The following BCL3 variants were observed in gnomAD, a reference collection of about 807,000 sequenced individuals.
BCL3 encodes B-cell lymphoma 3 protein.
In BCL3, 15 loss-of-function variants were observed where a neutral mutation model predicts 35.7. The observed-to-expected ratio is 0.42, with a 90% CI of 0.28 to 0.65. BCL3 has a LOEUF of 0.65. Among genes scored for constraint, BCL3 ranks in the 30% least tolerant of loss-of-function variants. The probability of loss-of-function intolerance (pLI) is 0.22; values close to 1 mark genes in which losing one functional copy is unlikely to be tolerated. For synonymous variants in BCL3, 311 were observed against 284.3 expected (o/e 1.09, Z -0.95); for missense variants, 565 against 641.7 (o/e 0.88, Z 1.29).
At position 44,758,232 on chromosome 19, in the gene BCL3, C is replaced by T. The variant is rs1427359014; in HGVS notation, c.892-14C>T. The T allele has an allele frequency of 2.0e-6, 3 of 1,474,040 alleles. No individual in the cohort carries two copies. The highest frequency in any genetic ancestry group is 2.8e-5 in the South Asian group (2 of 72,134). The allele number at this position is 1,474,040 out of a possible 1,614,324, so 91.3% of individuals were successfully genotyped here. ...GCCCGCGCGCCCTCCTGACCCGGCC[C>T]TCCCGTCCCGCAGCACGGCGCCAAC... On this transcript the variant is annotated splice_polypyrimidine_tract_variant and intron_variant, in intron 6 of 8. Coordinates refer to ENST00000164227, the MANE Select transcript of BCL3 (RefSeq NM_005178.5).
intron 1 of BCL3, among the ~76,000 whole-genome samples, chr19:44,749,488 C>G (rs1967136883): frequency 6.6e-6 from 1 of 152,134 alleles, no homozygotes; most frequent in East Asian, 1.9e-4. Context: ...GTCAGGGTAA[C>G]AGAGACTGGG....
rs1240353078 is a variant in BCL3 at position 44,748,732 on chromosome 19, A to C, written c.-59A>C. ...CAGGGGAAGTCCCGGCGCCCGGCGA[A>C]ACCACCCTCCCGTGCAGCCGAGCCC... On this transcript the variant is annotated 5_prime_UTR_variant, in exon 1 of 9. Transcript: ENST00000164227. 9 of 1,070,480 alleles carry C rather than the reference A, an allele frequency of 8.4e-6. No individual in the cohort carries two copies. In the East Asian group the frequency reaches 4.1e-4, roughly 49 times the overall value. The allele number at this position is 1,070,480 out of a possible 1,614,324, so 66.3% of individuals were successfully genotyped here.
Position 44,748,894 on chromosome 19 carries a change from G to T in BCL3, c.104G>T (p.Arg35Leu). 1 of 1,130,334 alleles carries T rather than the reference G, an allele frequency of 8.8e-7. No homozygotes were observed. Among genetic ancestry groups the T allele is most frequent in the Non-Finnish European group, 1.1e-6 (1 of 925,334 alleles). The allele number at this position is 1,130,334 out of a possible 1,614,324, so 70.0% of individuals were successfully genotyped here. ...GGCGCCGCGCTGCCGCTCCGCAAGC[G>T]CCCGCTGCGCGCGCCCTCCCCGGAG... ...LPGAALPLRK[R>L]PLRAPSPEPA... Residue 35 changes from arginine (R) to leucine (L), a missense_variant, in exon 1 of 9, where the codon CGC (arginine) becomes CTC (leucine). Transcript: ENST00000164227.
In BCL3 at chr19:44,757,311, C is replaced by G; in HGVS notation, c.725-16C>G. 6.3e-7 allele frequency: 1 copy of G among 1,591,014 alleles called. No homozygotes were observed. Among genetic ancestry groups the G allele is most frequent in the Non-Finnish European group, 8.6e-7 (1 of 1,168,860 alleles). On this transcript the variant is annotated splice_polypyrimidine_tract_variant and intron_variant, in intron 4 of 8. Coordinates refer to ENST00000164227, the MANE Select transcript of BCL3 (RefSeq NM_005178.5). The surrounding 1 kb of genome is among the most constrained non-coding windows in gnomAD (Gnocchi z 8.4). The stretch of plus-strand genomic sequence containing the variant: ...AAGCCCGGGCCTAGGTTTCACCGAG[C>G]CCTCCTCTCCCTCAGGGCTCACCGC...
chr19:44,752,210 T>C (rs916115209), intron 2 of BCL3, among the ~76,000 whole-genome samples: 2 of 151,478 alleles, frequency 1.3e-5, no homozygotes, highest in African/African-American at 2.4e-5. Context: ...TTTTCTTTTT[T>C]TTTTTTCTGA....
At chr19:44,750,406 C>T (rs1306050480) in intron 1 of BCL3, among the ~76,000 whole-genome samples, 1 of 152,154 alleles carries the variant, frequency 6.6e-6, no homozygotes, top group Non-Finnish European at 1.5e-5. Flanking sequence ...TCAGGGGATT[C>T]TTGTGCCTCA....
At position 44,749,003 on chromosome 19, in the gene BCL3, G is replaced by GCC. The variant is rs770262318; in HGVS notation, c.219_220dup (p.His74ProfsTer32). On this transcript the variant is annotated frameshift_variant, in exon 1 of 9. Coordinates refer to ENST00000164227, the MANE Select transcript of BCL3 (RefSeq NM_005178.5). LOFTEE classifies it high-confidence loss of function. ...GCTGCGACCTGCCGGCGGTCCCCGG[G>GCC]CCCCCCCACGGCCTGGCCCGGCCGG... is the stretch of plus-strand genomic sequence containing the variant. The GCC allele has an allele frequency of 7.2e-7, 1 of 1,384,690 alleles. No individual in the cohort carries two copies. The allele number at this position is 1,384,690 out of a possible 1,614,324, so 85.8% of individuals were successfully genotyped here. A position where few individuals can be genotyped will look rare whatever the true frequency, so the allele number is the denominator to read the frequency against.
intron 1 of BCL3, among the ~76,000 whole-genome samples, chr19:44,750,719 G>T (rs1169574328): frequency 6.6e-6 from 1 of 152,084 alleles, no homozygotes; most frequent in East Asian, 1.9e-4. Context: ...GGAGGCAGAG[G>T]TTGCAGTGGG....
intron 2 of BCL3, among the ~76,000 whole-genome samples, chr19:44,755,638 G>T (rs759849878): frequency 6.6e-6 from 1 of 152,204 alleles, no homozygotes; most frequent in African/African-American, 2.4e-5. Context: ...CAGACTGGGC[G>T]TGGTGGCTCA....
intron 3 of BCL3, 40 bp downstream of exon 3, chr19:44,756,380 T>C: frequency 1.6e-6 from 2 of 1,287,042 alleles, no homozygotes; most frequent in Non-Finnish European, 1.0e-6. Context: ...GGGCCTGGAC[T>C]CCTGGGTCTG....
rs1436569220 is a variant in BCL3 at position 44,759,713 on chromosome 19, C to CG, written c.*98_*99insG. 2.0e-5 allele frequency: 13 copies of CG among 640,366 alleles called. No homozygotes were observed. The highest frequency in any genetic ancestry group is 3.2e-5 in the Admixed American group (1 of 31,614). The allele number at this position is 640,366 out of a possible 1,614,324, so 39.7% of individuals were successfully genotyped here. A position where few individuals can be genotyped will look rare whatever the true frequency, so the allele number is the denominator to read the frequency against. On this transcript the variant is annotated 3_prime_UTR_variant, in exon 9 of 9. Transcript: ENST00000164227. The stretch of plus-strand genomic sequence containing the variant: ...ACTGTGAAGATCTCACTCTGCCCCC[C>CG]CCCCCCATCTTCGGGACCAGGATTT...
chr19:44,751,078 A>C, intron 1 of BCL3, 149 bp from the exon 2 acceptor site: 2 of 967,094 alleles, frequency 2.1e-6, no homozygotes, highest in Non-Finnish European at 3.0e-6. Context: ...GGTTTGTTTT[A>C]GGCCCTGAGG....
chr19:44,755,861 T>C (rs1210547303), intron 2 of BCL3, among the ~76,000 whole-genome samples: 1 of 152,090 alleles, frequency 6.6e-6, no homozygotes, highest in African/African-American at 2.4e-5. Context: ...GAGATTGCAG[T>C]GAGCACAAGA....
intron 2 of BCL3, among the ~76,000 whole-genome samples, chr19:44,752,350 C>A (rs1371145710): frequency 6.6e-6 from 1 of 151,178 alleles, no homozygotes; most frequent in Non-Finnish European, 1.5e-5. Flanking sequence ...ACAGACGCTA[C>A]CCCCACACCT....
intron 1 of BCL3, 113 bp from the exon 2 acceptor site, chr19:44,751,114 C>T: frequency 2.2e-6 from 3 of 1,371,458 alleles, no homozygotes; most frequent in South Asian, 1.4e-5. Flanking sequence ...CAAAAGGGAC[C>T]CAGGAGAAAG....
intron 1 of BCL3, among the ~76,000 whole-genome samples, chr19:44,749,400 T>G (rs1417126839): frequency 6.6e-6 from 1 of 151,594 alleles, no homozygotes; most frequent in Non-Finnish European, 1.5e-5. Context: ...AAGCCAGATG[T>G]GTAGCGTTAT....
chr19:44,755,872 T>C (rs1967270103), intron 2 of BCL3, among the ~76,000 whole-genome samples: 1 of 152,074 alleles, frequency 6.6e-6, no homozygotes, highest in South Asian at 2.1e-4. Context: ...GAGCACAAGA[T>C]AGCACCACTG....
At chr19:44,756,977 C>G (rs767312366) in intron 3 of BCL3, 40 bp from the exon 4 acceptor site, 2 of 1,542,950 alleles carry the variant, frequency 1.3e-6, no homozygotes, top group South Asian at 2.4e-5. Flanking sequence ...GACTAGAGAG[C>G]AGGGCTGGAC....
intron 2 of BCL3, among the ~76,000 whole-genome samples, chr19:44,752,947 G>A (rs889457254): frequency 1.3e-5 from 2 of 152,218 alleles, no homozygotes; most frequent in Non-Finnish European, 2.9e-5. Context: ...CAGAGAAGTA[G>A]CAGAGGGCTG....
Sources: gnomAD v4.1 joint callset for allele counts (sites outside exome capture counted in the v4.1 genomes callset) on GRCh38, gnomAD v4.1.1 for gene constraint, Gnocchi (gnomAD v3.1) non-coding constraint, MANE v1.5 for transcripts, NCBI Gene and HGNC (gene_info 2026-07-23, HGNC 2026-07-21) for gene names.